Variants in PTPN5 observed in about 807,000 individuals in gnomAD.
PTPN5 encodes tyrosine-protein phosphatase non-receptor type 5.
Under a neutral mutation model 73.9 loss-of-function variants are expected in PTPN5, and 29 were observed. The ratio of observed to expected loss-of-function variants is 0.39; its 90% CI spans 0.29 to 0.54. PTPN5 has a LOEUF of 0.54. PTPN5 is among the 20% of genes least tolerant of loss of function. The pLI, the probability that PTPN5 is intolerant of heterozygous loss-of-function variation, is 0.65. For missense variants in PTPN5, 652 were observed against 751.4 expected, an observed-to-expected ratio of 0.87 and a Z score of 1.55; for synonymous variants, 267 against 304.7, an observed-to-expected ratio of 0.88 and a Z score of 1.29.
intron 1 of PTPN5, among the ~76,000 whole-genome samples, chr11:18,773,594 A>G (rs1313463816): frequency 6.6e-6 from 1 of 152,176 alleles, no homozygotes; most frequent in Non-Finnish European, 1.5e-5. Flanking sequence ...GGGTCACAGC[A>G]GTGGGTCAGA....
intron 1 of PTPN5, 57 bp from the exon 2 acceptor site, chr11:18,772,128 C>A: frequency 1.8e-6 from 1 of 550,338 alleles, no homozygotes. Flanking sequence ...CACAGTGTGC[C>A]AACAATTTGC....
chr11:18,742,339 C>G lies in PTPN5; in HGVS notation c.648G>C (p.Val216=). The change falls in exon 7 of 15, where the codon GTG becomes GTC. Residue 216 remains valine (V), a synonymous_variant. Coordinates refer to ENST00000358540, the MANE Select transcript of PTPN5 (RefSeq NM_006906.2). This position sits in a 1 kb window ranked among gnomAD's most constrained non-coding sequence, Gnocchi z 4.1. The stretch of plus-strand genomic sequence containing the variant: ...GCTTGATGTCCATCACACAATCAAA[C>G]ACAGGAGTCTCGGGCACCGGGTCGA... ...LDLDPVPETP[V]FDCVMDIKPE... The G allele has an allele frequency of 6.2e-7, 1 of 1,614,182 alleles. No individual in the cohort carries two copies. The highest frequency in any genetic ancestry group is 1.3e-5 in the African/African-American group (1 of 75,046).
In PTPN5 at chr11:18,733,102, A is replaced by G; in HGVS notation, c.1218+133T>C. The G allele has an allele frequency of 7.4e-7, 1 of 1,352,240 alleles. No homozygotes were observed. The highest frequency in any genetic ancestry group is 2.3e-5 in the East Asian group (1 of 42,872). 83.8% of individuals were successfully genotyped at this position (1,352,240 alleles called of 1,614,324 possible). A position where few individuals can be genotyped will look rare whatever the true frequency, so the allele number is the denominator to read the frequency against. ...AAATGACTTAACCTTACCGAGCCTC[A>G]CATCTCCTCATCTTGGCAGCGGAGT... On this transcript the variant is annotated intron_variant, in intron 11 of 14. Transcript: ENST00000358540. The surrounding 1 kb of genome is among the most constrained non-coding windows in gnomAD (Gnocchi z 4.3).
intron 1 of PTPN5, among the ~76,000 whole-genome samples, chr11:18,777,474 G>C (rs114048514): frequency 0.014 from 2,181 of 152,258 alleles, 45 homozygotes; most frequent in African/African-American, 0.05. Flanking sequence ...TTCAGGCTTT[G>C]CCTGTTTCCC....
chr11:18,769,351 G>C (rs981210082), intron 2 of PTPN5, among the ~76,000 whole-genome samples: 14 of 152,164 alleles, frequency 9.2e-5, no homozygotes, highest in Non-Finnish European at 1.5e-4. Context: ...GGGGCAAGGG[G>C]AAGAGGAAGT....
At chr11:18,785,993 A>G (rs962210004) in intron 1 of PTPN5, among the ~76,000 whole-genome samples, 3 of 152,220 alleles carry the variant, frequency 2.0e-5, no homozygotes, top group Non-Finnish European at 4.4e-5. Context: ...CCCCAGGTAT[A>G]GAAACTTGAG....
intron 3 of PTPN5, among the ~76,000 whole-genome samples, chr11:18,757,770 T>C (rs1349645386): frequency 6.6e-6 from 1 of 152,216 alleles, no homozygotes; most frequent in Non-Finnish European, 1.5e-5. Context: ...GAACTCAGAA[T>C]TCTCTATTTG....
chr11:18,784,038 C>A (rs1269717276), intron 1 of PTPN5, among the ~76,000 whole-genome samples: 2 of 152,164 alleles, frequency 1.3e-5, no homozygotes, highest in Non-Finnish European at 2.9e-5. Context: ...TTCCTGGACT[C>A]TCTATTCCTA....
At chr11:18,744,320 T>C in intron 3 of PTPN5, 121 bp from the exon 4 acceptor site, 2 of 783,192 alleles carry the variant, frequency 2.6e-6, no homozygotes, top group Non-Finnish European at 3.7e-6. Flanking sequence ...GTGGCTCCAC[T>C]TCCAGCAGTC....
chr11:18,778,270 T>C (rs1001511705), intron 1 of PTPN5, among the ~76,000 whole-genome samples: 3 of 152,212 alleles, frequency 2.0e-5, no homozygotes, highest in African/African-American at 7.2e-5. Flanking sequence ...TGCTCTGTGT[T>C]AGCCAATATT....
At chr11:18,782,791 G>A (rs1851499467) in intron 1 of PTPN5, among the ~76,000 whole-genome samples, 1 of 152,158 alleles carries the variant, frequency 6.6e-6, no homozygotes, top group Non-Finnish European at 1.5e-5. Flanking sequence ...ACATGTGTGA[G>A]CATTTTTGGT....
chr11:18,781,727 C>T (rs2134356320), intron 1 of PTPN5, among the ~76,000 whole-genome samples: 1 of 152,264 alleles, frequency 6.6e-6, no homozygotes, highest in East Asian at 1.9e-4. Flanking sequence ...ATATCAGGCT[C>T]TGTACTGAGC....
At chr11:18,781,145 C>CCCCCGG (rs970632911) in intron 1 of PTPN5, among the ~76,000 whole-genome samples, 1 of 152,070 alleles carries the variant, frequency 6.6e-6, no homozygotes, top group Non-Finnish European at 1.5e-5. Context: ...TTGCCGCACC[C>CCCCCGG]CCCCGGCCCC....
At chr11:18,779,896 A>G (rs975421668) in intron 1 of PTPN5, among the ~76,000 whole-genome samples, 4 of 152,098 alleles carry the variant, frequency 2.6e-5, no homozygotes, top group Non-Finnish European at 4.4e-5. Flanking sequence ...CTGAGTCTCA[A>G]TTTCCTCCCA....
At chr11:18,735,378 GCT>G (rs1849068744) in intron 9 of PTPN5, among the ~76,000 whole-genome samples, 1 of 152,130 alleles carries the variant, frequency 6.6e-6, no homozygotes, top group Non-Finnish European at 1.5e-5. Context: ...GGGGCAGGAA[GCT>G]CTGTATGGGC....
intron 3 of PTPN5, among the ~76,000 whole-genome samples, chr11:18,745,387 C>T (rs1301225613): frequency 1.3e-5 from 2 of 152,144 alleles, no homozygotes; most frequent in African/African-American, 4.8e-5. Context: ...GTGCAGAGAA[C>T]CCGGTCCTGG....
intron 1 of PTPN5, among the ~76,000 whole-genome samples, chr11:18,780,194 G>A (rs1564931081): frequency 6.6e-6 from 1 of 152,200 alleles, no homozygotes; most frequent in Non-Finnish European, 1.5e-5. Flanking sequence ...AGCAGCTGGA[G>A]GATGAGAGGG....
At position 18,728,857 on chromosome 11, in the gene PTPN5, G is replaced by A. The variant is rs561801098; in HGVS notation, c.*77C>T. On this transcript the variant is annotated 3_prime_UTR_variant, in exon 15 of 15. Coordinates refer to ENST00000358540, the MANE Select transcript of PTPN5 (RefSeq NM_006906.2). This position sits in a 1 kb window ranked among gnomAD's most constrained non-coding sequence, Gnocchi z 4.1. The stretch of plus-strand genomic sequence containing the variant: ...GGGAGGAAGCGGGGAGCAGGCCCAG[G>A]ACCCGAGGCAGGGCCCTGGGTGAGG... 1 of 1,434,594 alleles carries A rather than the reference G, an allele frequency of 7.0e-7. No homozygotes were observed. Among genetic ancestry groups the A allele is most frequent in the Non-Finnish European group, 9.6e-7 (1 of 1,046,550 alleles). The allele number at this position is 1,434,594 out of a possible 1,614,324, so 88.9% of individuals were successfully genotyped here.
chr11:18,780,314 C>T (rs1338828564), intron 1 of PTPN5, among the ~76,000 whole-genome samples: 1 of 152,160 alleles, frequency 6.6e-6, no homozygotes, highest in Non-Finnish European at 1.5e-5. Context: ...CTGGAAACTC[C>T]ACTTCACAGG....
Sources: gnomAD v4.1 joint callset for allele counts (sites outside exome capture counted in the v4.1 genomes callset) on GRCh38, gnomAD v4.1.1 for gene constraint, Gnocchi (gnomAD v3.1) non-coding constraint, MANE v1.5 for transcripts, NCBI Gene and HGNC (gene_info 2026-07-23, HGNC 2026-07-21) for gene names.